The following PLCL1 variants were observed in gnomAD, a reference collection of about 807,000 sequenced individuals.
PLCL1 encodes the protein inactive phospholipase C-like protein 1.
Under a neutral mutation model 84.4 loss-of-function variants are expected in PLCL1, and 41 were observed. The observed-to-expected ratio is 0.49, with a 90% CI of 0.38 to 0.63. The LOEUF is 0.63. Ranked by LOEUF, PLCL1 falls within the 30% of genes least tolerant of loss-of-function variation. PLCL1 has a pLI of 0.00. For missense variants in PLCL1, 1,206 were observed against 1,367.8 expected (o/e 0.88, Z 1.87); for synonymous variants, 490 against 488.3 (o/e 1.00, Z -0.05).
intron 1 of PLCL1, among the ~76,000 whole-genome samples, chr2:198,064,591 TAAC>T (rs1692280380): frequency 6.6e-6 from 1 of 152,180 alleles, no homozygotes; most frequent in African/African-American, 2.4e-5. Flanking sequence ...AGGTCAAATT[TAAC>T]TACAAAATCT....
chr2:197,971,895 TTC>T (rs1689875754), intron 1 of PLCL1, among the ~76,000 whole-genome samples: 1 of 152,222 alleles, frequency 6.6e-6, no homozygotes, highest in Non-Finnish European at 1.5e-5. Flanking sequence ...ATTATTTGCA[TTC>T]TGTTGAATGC....
At chr2:198,008,671 C>G (rs1690791647) in intron 1 of PLCL1, among the ~76,000 whole-genome samples, 1 of 151,874 alleles carries the variant, frequency 6.6e-6, no homozygotes, top group African/African-American at 2.4e-5. Flanking sequence ...AATGGGTGTC[C>G]AAGTATCTCT....
At chr2:197,854,714 G>A (rs1433227522) in intron 1 of PLCL1, among the ~76,000 whole-genome samples, 2 of 152,070 alleles carry the variant, frequency 1.3e-5, no homozygotes, top group African/African-American at 4.8e-5. Flanking sequence ...TTATTTTTAA[G>A]CATTTGTGTA....
chr2:197,838,277 A>G (rs1056571457), intron 1 of PLCL1, among the ~76,000 whole-genome samples: 1 of 152,162 alleles, frequency 6.6e-6, no homozygotes, highest in Non-Finnish European at 1.5e-5. Context: ...TGCTTTCCTC[A>G]CTTAGATGGG....
At chr2:198,001,764 A>C (rs1260478658) in intron 1 of PLCL1, among the ~76,000 whole-genome samples, 4 of 151,990 alleles carry the variant, frequency 2.6e-5, no homozygotes, top group Admixed American at 2.6e-4. Flanking sequence ...CTTCATCTGT[A>C]TTTACAGTCA....
chr2:197,854,590 C>T (rs569956419), intron 1 of PLCL1, among the ~76,000 whole-genome samples: 6 of 152,214 alleles, frequency 3.9e-5, no homozygotes, highest in African/African-American at 1.4e-4. Context: ...TTTATGTTAA[C>T]ATTTATTTAT....
intron 1 of PLCL1, among the ~76,000 whole-genome samples, chr2:198,079,353 G>A (rs913077184): frequency 6.6e-6 from 1 of 151,784 alleles, no homozygotes; most frequent in African/African-American, 2.4e-5. Context: ...ATTTAATCAT[G>A]ATTGGTATCC....
chr2:198,149,552 C>G lies in PLCL1; in HGVS notation c.*2590C>G, dbSNP rs1022932084. 1 of 152,108 alleles carries G rather than the reference C, an allele frequency of 6.6e-6. No homozygotes were observed. The highest frequency in any genetic ancestry group is 1.9e-4 in the East Asian group (1 of 5,276). 9.4% of individuals were successfully genotyped at this position (152,108 alleles called of 1,614,324 possible). A position where few individuals can be genotyped will look rare whatever the true frequency, so the allele number is the denominator to read the frequency against. Reference sequence around the variant, plus strand: ...TTTATTCTTAACATTTTAAACCAGACTATTAACTCTTACCTTTATAACCAC... The same window carrying G: ...TTTATTCTTAACATTTTAAACCAGAGTATTAACTCTTACCTTTATAACCAC... On this transcript the variant is annotated 3_prime_UTR_variant, in exon 6 of 6. Coordinates refer to ENST00000428675, the MANE Select transcript of PLCL1 (RefSeq NM_006226.4).
At position 198,085,947 on chromosome 2, in the gene PLCL1, G is replaced by T; in HGVS notation, c.2430G>T (p.Gly810=). Residue 810 remains glycine (G), a synonymous_variant, in exon 2 of 6, where the codon GGG becomes GGT. Transcript: ENST00000428675. This position sits in a 1 kb window ranked among gnomAD's most constrained non-coding sequence, Gnocchi z 5.3. Reference sequence around the variant, plus strand: ...ACTACATTGGGGATGAGTTTATAGGGCAATATACGATACCATTTGAATGTT... The same window carrying T: ...ACTACATTGGGGATGAGTTTATAGGTCAATATACGATACCATTTGAATGTT... ...DDDYIGDEFI[G]QYTIPFECLQ... is the part of the protein sequence containing the mutation. 1 of 1,614,064 alleles carries T rather than the reference G, an allele frequency of 6.2e-7. No homozygotes were observed. Among genetic ancestry groups the T allele is most frequent in the Non-Finnish European group, 8.5e-7 (1 of 1,179,992 alleles).
intron 3 of PLCL1, among the ~76,000 whole-genome samples, chr2:198,097,795 G>A (rs1341853918): frequency 6.6e-6 from 1 of 152,178 alleles, no homozygotes; most frequent in Non-Finnish European, 1.5e-5. Context: ...CCAGGACAGA[G>A]AGCTCTGTTG....
intron 1 of PLCL1, among the ~76,000 whole-genome samples, chr2:197,913,795 G>A (rs1249478424): frequency 6.6e-6 from 1 of 152,050 alleles, no homozygotes; most frequent in Admixed American, 6.6e-5. Context: ...ACAAACTATG[G>A]TAGTTTAGGG....
intron 1 of PLCL1, among the ~76,000 whole-genome samples, chr2:197,975,136 AG>A (rs1384400766): frequency 1.6e-5 from 2 of 127,426 alleles, no homozygotes; most frequent in Non-Finnish European, 3.2e-5. Flanking sequence ...CGACAGAGCG[AG>A]ACTCCATCTC....
chr2:198,108,127 T>G (rs1693533090), intron 5 of PLCL1, among the ~76,000 whole-genome samples: 1 of 151,942 alleles, frequency 6.6e-6, no homozygotes, highest in Non-Finnish European at 1.5e-5. Context: ...TTCTCCAGAC[T>G]TGCTATTGAT....
chr2:198,056,521 G>T (rs920892356), intron 1 of PLCL1, among the ~76,000 whole-genome samples: 2 of 152,114 alleles, frequency 1.3e-5, no homozygotes, highest in African/African-American at 4.8e-5. Flanking sequence ...TCTTGGGCAG[G>T]TTACTTAATC....
chr2:198,032,250 A>G (rs1487333639), intron 1 of PLCL1, among the ~76,000 whole-genome samples: 2 of 152,168 alleles, frequency 1.3e-5, no homozygotes, highest in African/African-American at 2.4e-5. Context: ...AAATATTTGG[A>G]CGTTTTCCTC....
chr2:198,098,224 C>T (rs1389713224), intron 3 of PLCL1, among the ~76,000 whole-genome samples: 1 of 152,100 alleles, frequency 6.6e-6, no homozygotes, highest in Non-Finnish European at 1.5e-5. Flanking sequence ...TTTTTATTGA[C>T]TCACATTTTC....
chr2:197,956,669 C>A (rs1449736263), intron 1 of PLCL1, among the ~76,000 whole-genome samples: 1 of 152,056 alleles, frequency 6.6e-6, no homozygotes, highest in African/African-American at 2.4e-5. Context: ...CTCTGATGAT[C>A]AGTGATGTCG....
At chr2:198,131,984 T>C (rs146982058) in intron 5 of PLCL1, among the ~76,000 whole-genome samples, 1 of 152,296 alleles carries the variant, frequency 6.6e-6, no homozygotes, top group East Asian at 1.9e-4. Flanking sequence ...TCCTTTTCCA[T>C]TTCCCCTTTC....
chr2:197,904,373 T>A (rs1304749104), intron 1 of PLCL1, among the ~76,000 whole-genome samples: 1 of 152,228 alleles, frequency 6.6e-6, no homozygotes, highest in African/African-American at 2.4e-5. Context: ...GTACTTGTAT[T>A]CTTTTTGCAG....
Sources: gnomAD v4.1 joint callset for allele counts (sites outside exome capture counted in the v4.1 genomes callset) on GRCh38, gnomAD v4.1.1 for gene constraint, Gnocchi (gnomAD v3.1) non-coding constraint, MANE v1.5 for transcripts, NCBI Gene and HGNC (gene_info 2026-07-23, HGNC 2026-07-21) for gene names.